Variants in ZNF66 observed in about 807,000 individuals in gnomAD.
ZNF66 encodes the protein putative zinc finger protein 66.
ZNF66 carries 32 observed loss-of-function variants against 35.2 expected under a neutral mutation model. That is an observed-to-expected ratio of 0.91 (90% CI 0.69 to 1.22). The LOEUF (loss-of-function observed/expected upper bound fraction) is 1.22, where lower values mean the gene tolerates loss of function less well. ZNF66 is among the 50% of genes most tolerant of loss of function. The probability of loss-of-function intolerance (pLI) is 0.00; values close to 1 mark genes in which losing one functional copy is unlikely to be tolerated. For missense variants in ZNF66, 666 were observed against 543.1 expected (o/e 1.23, Z -2.25); for synonymous variants, 231 against 181.3 (o/e 1.27, Z -2.20).
intron 1 of ZNF66, among the ~76,000 whole-genome samples, chr19:20,791,084 A>T (rs1057481746): frequency 2.0e-5 from 3 of 152,192 alleles, no homozygotes; most frequent in Admixed American, 1.3e-4. Flanking sequence ...GTGGATACTC[A>T]AGATTTCTAT....
At chr19:20,797,189 A>ATTTTTTTTTTTTTTTTTTTTT (rs142052913) in intron 3 of ZNF66, among the ~76,000 whole-genome samples, 2 of 45,440 alleles carry the variant, frequency 4.4e-5, no homozygotes, top group Non-Finnish European at 8.3e-5. Context: ...TGCATGCTAG[A>ATTTTTTTTTTTTTTTTTTTTT]TTTTTTTTTT....
chr19:20,804,705 C>CT (rs1403818298), intron 3 of ZNF66, among the ~76,000 whole-genome samples: 1 of 152,152 alleles, frequency 6.6e-6, no homozygotes, highest in Non-Finnish European at 1.5e-5. Flanking sequence ...CTGTTAGAAT[C>CT]TTTAAGATAT....
intron 1 of ZNF66, among the ~76,000 whole-genome samples, chr19:20,791,496 A>AAAAAAAAAAG (rs1568496138): frequency 2.7e-5 from 4 of 149,602 alleles, no homozygotes. Flanking sequence ...AAAAAAAAAA[A>AAAAAAAAAAG]AAAAAAAAAG....
intron 1 of ZNF66, 145 bp downstream of exon 1, chr19:20,776,595 A>C (rs1971196860): frequency 1.7e-6 from 2 of 1,183,474 alleles, no homozygotes; most frequent in Non-Finnish European, 2.4e-6. Context: ...GATGGCGGCT[A>C]CGCTGACAGC....
Position 20,807,046 on chromosome 19 carries a change from A to G in ZNF66, c.1446A>G (p.Lys482=). The G allele has an allele frequency of 1.2e-6, 1 of 838,976 alleles. No homozygotes were observed. 52.0% of individuals were successfully genotyped at this position (838,976 alleles called of 1,614,324 possible). A position where few individuals can be genotyped will look rare whatever the true frequency, so the allele number is the denominator to read the frequency against. ...TTCATACTGGAGAGAAGCCTTACAA[A>G]TGTGAAGAATGTGGCAAGGCCTTTA... The part of the protein sequence containing the change: ...KKIHTGEKPY[K]CEECGKAFKC... Residue 482 remains lysine, a synonymous_variant, in exon 4 of 4, where the codon AAA becomes AAG. Transcript: ENST00000344519.
chr19:20,791,711 T>A (rs1022171710), intron 1 of ZNF66, among the ~76,000 whole-genome samples: 6 of 152,088 alleles, frequency 3.9e-5, no homozygotes, highest in African/African-American at 1.4e-4. Context: ...TTGCTTTTTT[T>A]AAAAAGGAAT....
At chr19:20,776,679 C>T (rs1971197827) in intron 1 of ZNF66, among the ~76,000 whole-genome samples, 1 of 152,220 alleles carries the variant, frequency 6.6e-6, no homozygotes, top group African/African-American at 2.4e-5. Flanking sequence ...GTGGGCAGCT[C>T]TGCACCCGCA....
intron 3 of ZNF66, among the ~76,000 whole-genome samples, chr19:20,803,364 G>GTATC (rs1283499022): frequency 7.0e-5 from 10 of 143,876 alleles, no homozygotes; most frequent in Admixed American, 1.4e-4. Context: ...TTTCTTTTGT[G>GTATC]TATCTGTACA....
At chr19:20,790,764 G>A (rs114136404) in intron 1 of ZNF66, among the ~76,000 whole-genome samples, 14,045 of 149,300 alleles carry the variant, frequency 0.094, 657 homozygotes, top group Middle Eastern at 0.11. Context: ...GAAAAAAAAA[G>A]GGCTTCAGGT....
At chr19:20,795,123 C>T (rs1165633668) in intron 3 of ZNF66, among the ~76,000 whole-genome samples, 1 of 152,036 alleles carries the variant, frequency 6.6e-6, no homozygotes, top group African/African-American at 2.4e-5. Context: ...GATCTGCCCG[C>T]CTCTGCCTCC....
intron 3 of ZNF66, among the ~76,000 whole-genome samples, chr19:20,794,785 C>A (rs1242575316): frequency 6.7e-6 from 1 of 149,912 alleles, no homozygotes; most frequent in African/African-American, 2.5e-5. Context: ...TGCTAATTTA[C>A]TGAGTGTATT....
At position 20,793,327 on chromosome 19, in the gene ZNF66, C is replaced by CTTTTTTTTTTTTTTTTTTTTTT. The variant is rs879637768; in HGVS notation, c.131-452_131-451insTTTTTTTTTTTTTTTTTTTTTT. ...CTTTTCTTTTCTTTTCTTTTCTTTT[C>CTTTTTTTTTTTTTTTTTTTTTT]TTTTCTTTTTTTTTTTTTTTTGAGA... On this transcript the variant is annotated intron_variant, in intron 2 of 3. Coordinates refer to ENST00000344519, the MANE Select transcript of ZNF66 (RefSeq NM_001355197.2). Among the ~76,000 whole-genome samples, 8 of 74,724 alleles carry CTTTTTTTTTTTTTTTTTTTTTT rather than the reference C, an allele frequency of 1.1e-4. 1 individual carries two copies. Among genetic ancestry groups the CTTTTTTTTTTTTTTTTTTTTTT allele is most frequent in the African/African-American group, 2.0e-4 (4 of 20,380 alleles). The allele number at this position is 74,724 out of a possible 152,430, so 49.0% of individuals were successfully genotyped here.
rs570979283 is a variant in ZNF66 at position 20,792,826 on chromosome 19, G to A, written c.130+188G>A. On this transcript the variant is annotated intron_variant, in intron 2 of 3. Transcript: ENST00000344519. ...CTCATGCCTGTAATCCCAGCACTTT[G>A]GGAGGCTGAGGCAGGGGGATTACCT... 3.3e-5 allele frequency among the ~76,000 whole-genome samples: 5 copies of A among 152,200 alleles called. No individual in the cohort carries two copies. The South Asian group carries it at 1.0e-3, about 32-fold the overall frequency.
chr19:20,789,573 A>C (rs921371199), intron 1 of ZNF66, among the ~76,000 whole-genome samples: 13 of 152,332 alleles, frequency 8.5e-5, no homozygotes, highest in Middle Eastern at 3.4e-3. Flanking sequence ...GTCACAAAAA[A>C]GTAAATATAA....
At chr19:20,800,663 A>G (rs955936830) in intron 3 of ZNF66, among the ~76,000 whole-genome samples, 27 of 152,300 alleles carry the variant, frequency 1.8e-4, no homozygotes, top group Non-Finnish European at 2.6e-4. Flanking sequence ...GTCTCTTACC[A>G]TATAATATAT....
At chr19:20,786,371 C>T (rs1475070866) in intron 1 of ZNF66, among the ~76,000 whole-genome samples, 6 of 152,184 alleles carry the variant, frequency 3.9e-5, no homozygotes, top group Admixed American at 3.9e-4. Flanking sequence ...TATCTTCAGA[C>T]TGAAACTGAT....
At chr19:20,794,110 GC>G in intron 3 of ZNF66, 1 of 570,944 alleles carries the variant, frequency 1.8e-6, no homozygotes, top group South Asian at 1.9e-5. Flanking sequence ...CTCTCAGTGA[GC>G]TTCCTTCACA....
chr19:20,807,318 C>T lies in ZNF66; in HGVS notation c.1718C>T (p.Pro573Leu). The change falls in exon 4 of 4, where the codon CCT becomes CTT. Residue 573 changes from proline to leucine, a missense_variant. Physicochemically the swap from Pro to Leu is moderately conservative, Grantham distance 98. Coordinates refer to ENST00000344519, the MANE Select transcript of ZNF66 (RefSeq NM_001355197.2). The part of the protein sequence containing the change: ...NPYKCENVAK[P>L] ...TACAAATGTGAAAATGTGGCAAAGC[C>T]TTAGACACTCCTCTACCCTTACTAG... The T allele has an allele frequency of 1.6e-6, 1 of 639,204 alleles. No homozygotes were observed. The highest frequency in any genetic ancestry group is 2.8e-6 in the Non-Finnish European group (1 of 354,644). 39.6% of individuals were successfully genotyped at this position (639,204 alleles called of 1,614,324 possible).
intron 1 of ZNF66, among the ~76,000 whole-genome samples, chr19:20,787,566 A>G (rs1217382349): frequency 6.6e-6 from 1 of 152,190 alleles, no homozygotes; most frequent in Non-Finnish European, 1.5e-5. Context: ...GTCAACCTAA[A>G]CATCTTACAG....
Sources: allele counts gnomAD v4.1 joint callset (sites outside exome capture counted in the v4.1 genomes callset), GRCh38; gene constraint gnomAD v4.1.1; transcripts MANE v1.5; gene names NCBI Gene and HGNC (gene_info 2026-07-23, HGNC 2026-07-21).